GRID2: variants seen among roughly 807,000 people sequenced by gnomAD.
The protein encoded by GRID2 is glutamate receptor ionotropic, delta-2.
Under a neutral mutation model 114.8 loss-of-function variants are expected in GRID2, and 33 were observed. The observed-to-expected ratio is 0.29, with a 90% CI of 0.22 to 0.38. The LOEUF is 0.38. Among genes scored for constraint, GRID2 ranks in the 10% least tolerant of loss-of-function variants. GRID2 has a pLI of 1.00. For synonymous variants in GRID2, 505 were observed against 449.9 expected, an observed-to-expected ratio of 1.12 and a Z score of -1.55; for missense variants, 1,184 against 1,257.7, an observed-to-expected ratio of 0.94 and a Z score of 0.89.
At chr4:93,373,689 C>T (rs1296565021) in intron 8 of GRID2, among the ~76,000 whole-genome samples, 4 of 152,114 alleles carry the variant, frequency 2.6e-5, no homozygotes, top group Admixed American at 6.5e-5. Flanking sequence ...AGAATGAAGC[C>T]TTAATACCTA....
At chr4:92,464,641 G>T (rs1721658770) in intron 1 of GRID2, among the ~76,000 whole-genome samples, 1 of 152,024 alleles carries the variant, frequency 6.6e-6, no homozygotes, top group East Asian at 1.9e-4. Flanking sequence ...CCAGCATTTA[G>T]AGAATCAAAG....
intron 2 of GRID2, among the ~76,000 whole-genome samples, chr4:93,029,771 C>A (rs1724218717): frequency 6.6e-6 from 1 of 151,792 alleles, no homozygotes; most frequent in East Asian, 1.9e-4. Flanking sequence ...TCACAAAAAG[C>A]GAATTATTGG....
At chr4:92,376,565 G>A (rs1349177597) in intron 1 of GRID2, among the ~76,000 whole-genome samples, 7 of 152,096 alleles carry the variant, frequency 4.6e-5, no homozygotes, top group Admixed American at 2.0e-4. Flanking sequence ...AGCTCCACTA[G>A]GCGGTGCCCC....
chr4:93,774,805 T>C (rs538990555), downstream of GRID2, among the ~76,000 whole-genome samples: 59 of 152,262 alleles, frequency 3.9e-4, no homozygotes, highest in Middle Eastern at 0.017. Flanking sequence ...TGTTTTTCTC[T>C]GTGGATGTCT....
intron 13 of GRID2, among the ~76,000 whole-genome samples, chr4:93,583,403 C>T (rs1400179223): frequency 1.3e-5 from 2 of 151,894 alleles, no homozygotes; most frequent in South Asian, 2.1e-4. Flanking sequence ...GTGCTGTGGA[C>T]GTTTTTTTCT....
chr4:93,181,474 G>A (rs557282125), intron 4 of GRID2, among the ~76,000 whole-genome samples: 1 of 152,264 alleles, frequency 6.6e-6, no homozygotes, highest in African/African-American at 2.4e-5. Context: ...AACCCTAACA[G>A]GATGGTCAGC....
intron 1 of GRID2, among the ~76,000 whole-genome samples, chr4:92,430,137 G>C (rs1052269094): frequency 2.0e-5 from 3 of 151,900 alleles, no homozygotes; most frequent in Non-Finnish European, 2.9e-5. Flanking sequence ...TTCTTGCTTT[G>C]GTTGTCTGTG....
intron 2 of GRID2, among the ~76,000 whole-genome samples, chr4:93,017,904 T>A: frequency 7.0e-6 from 1 of 142,604 alleles, no homozygotes. Flanking sequence ...TTTTTTTTAC[T>A]CCTATGTCAG....
At chr4:92,399,107 T>A (rs976507999) in intron 1 of GRID2, among the ~76,000 whole-genome samples, 3 of 152,150 alleles carry the variant, frequency 2.0e-5, no homozygotes, top group African/African-American at 7.2e-5. Flanking sequence ...AAAACACACA[T>A]GGTAAGTAAA....
At chr4:92,715,265 T>C (rs1005183358) in intron 2 of GRID2, among the ~76,000 whole-genome samples, 13 of 152,206 alleles carry the variant, frequency 8.5e-5, no homozygotes, top group African/African-American at 1.7e-4. Flanking sequence ...TTCATGTCTG[T>C]CTGAGACCAC....
At chr4:92,610,880 A>G (rs941170408) in intron 2 of GRID2, among the ~76,000 whole-genome samples, 1 of 151,692 alleles carries the variant, frequency 6.6e-6, no homozygotes, top group Non-Finnish European at 1.5e-5. Context: ...GTAGCAAGTG[A>G]CAAGATTTTT....
chr4:92,748,631 T>TGTA (rs1400334466), intron 2 of GRID2, among the ~76,000 whole-genome samples: 3 of 125,284 alleles, frequency 2.4e-5, no homozygotes, highest in Admixed American at 8.5e-5. Flanking sequence ...TTAATTAAAT[T>TGTA]GTATTATTAT....
intron 11 of GRID2, among the ~76,000 whole-genome samples, chr4:93,476,212 T>C (rs528128984): frequency 2.0e-5 from 3 of 152,122 alleles, no homozygotes; most frequent in Non-Finnish European, 4.4e-5. Flanking sequence ...TATACAATGA[T>C]GTGTTAAAAG....
At chr4:93,722,076 G>A (rs890774736) in intron 14 of GRID2, among the ~76,000 whole-genome samples, 4 of 151,456 alleles carry the variant, frequency 2.6e-5, no homozygotes, top group Non-Finnish European at 5.9e-5. Context: ...CCACCACCAC[G>A]CCGGGCTAAT....
chr4:92,583,832 A>T (rs1411284038), intron 1 of GRID2, among the ~76,000 whole-genome samples: 1 of 150,296 alleles, frequency 6.7e-6, no homozygotes, highest in Non-Finnish European at 1.5e-5. Context: ...CATGTGTAAT[A>T]TAAATATATA....
At chr4:92,698,002 A>G (rs558034325) in intron 2 of GRID2, among the ~76,000 whole-genome samples, 1 of 152,294 alleles carries the variant, frequency 6.6e-6, no homozygotes, top group South Asian at 2.1e-4. Context: ...GTTGTACAAC[A>G]TCAATTAAAT....
At chr4:93,021,370 A>G (rs982388911) in intron 2 of GRID2, among the ~76,000 whole-genome samples, 1 of 150,502 alleles carries the variant, frequency 6.6e-6, no homozygotes, top group Admixed American at 6.6e-5. Context: ...CAAAGAACAT[A>G]TTAAGAGATC....
chr4:92,990,546 T>C (rs1240212583), intron 2 of GRID2, among the ~76,000 whole-genome samples: 1 of 151,710 alleles, frequency 6.6e-6, no homozygotes, highest in Non-Finnish European at 1.5e-5. Flanking sequence ...AACTCCTGAC[T>C]ACAGGTGATC....
At chr4:93,362,061 G>A (rs1579819859) in intron 8 of GRID2, among the ~76,000 whole-genome samples, 2 of 152,030 alleles carry the variant, frequency 1.3e-5, no homozygotes, top group East Asian at 1.9e-4. Context: ...CCAGTCAACA[G>A]TCAATCTTGA....
Sources: allele counts gnomAD v4.1 joint callset (sites outside exome capture counted in the v4.1 genomes callset), GRCh38; gene constraint gnomAD v4.1.1; transcripts MANE v1.5; gene names NCBI Gene and HGNC (gene_info 2026-07-23, HGNC 2026-07-21).